The following L1TD1 variants were observed in gnomAD, a reference collection of about 807,000 sequenced individuals.
L1TD1 encodes the protein LINE1 type transposase domain containing 1.
In L1TD1, 26 loss-of-function variants were observed where a neutral mutation model predicts 25.7. That is an observed-to-expected ratio of 1.01 (90% CI 0.74 to 1.40). L1TD1 has a LOEUF of 1.40. Ranked by LOEUF, L1TD1 falls within the 40% of genes most tolerant of loss-of-function variation. The pLI is 0.00. For synonymous variants in L1TD1, 421 were observed against 335.6 expected, an observed-to-expected ratio of 1.25 and a Z score of -2.78; for missense variants, 1,130 against 975.0, an observed-to-expected ratio of 1.16 and a Z score of -2.12.
intron 1 of L1TD1, among the ~76,000 whole-genome samples, chr1:62,195,362 A>T (rs1195031191): frequency 2.0e-5 from 3 of 152,222 alleles, no homozygotes; most frequent in Admixed American, 1.3e-4. Flanking sequence ...CTCTCCTAAG[A>T]CTTATCTATC....
At chr1:62,204,074 T>A (rs1670691058) in intron 2 of L1TD1, among the ~76,000 whole-genome samples, 1 of 152,216 alleles carries the variant, frequency 6.6e-6, no homozygotes. Flanking sequence ...AGATAATAGT[T>A]GCTTCTAAAT....
chr1:62,198,845 CTT>C (rs528785206), intron 2 of L1TD1, among the ~76,000 whole-genome samples: 1 of 146,234 alleles, frequency 6.8e-6, no homozygotes, highest in Admixed American at 6.9e-5. Context: ...TCCCTAATCA[CTT>C]TTTTTTTTTT....
chr1:62,200,841 G>A (rs1670627019), intron 2 of L1TD1, among the ~76,000 whole-genome samples: 1 of 151,954 alleles, frequency 6.6e-6, no homozygotes, highest in African/African-American at 2.4e-5. Context: ...CTGGGATTGG[G>A]CCACCTTTCA....
intron 2 of L1TD1, among the ~76,000 whole-genome samples, chr1:62,197,162 G>T (rs1364013368): frequency 1.3e-5 from 2 of 151,794 alleles, no homozygotes; most frequent in Non-Finnish European, 2.9e-5. Flanking sequence ...GAGGAGGCCA[G>T]ATCACTTAAG....
At chr1:62,198,672 T>G (rs1252287536) in intron 2 of L1TD1, among the ~76,000 whole-genome samples, 1 of 152,028 alleles carries the variant, frequency 6.6e-6, no homozygotes, top group Non-Finnish European at 1.5e-5. Context: ...ATCCCTAAAA[T>G]TAAAGGAAGT....
Position 62,210,363 on chromosome 1 carries a change from A to C in L1TD1, c.1589A>C (p.His530Pro), listed in dbSNP as rs140820308. ...AAGTTGGTGAAACACCAGGTGGTGC[A>C]CAAAACCCAGGAGGAAGAGGAAACA... Reference protein sequence around the residue: ...KKKLVKHQVVHKTQEEEETAV... With the variant: ...KKKLVKHQVVPKTQEEEETAV... Residue 530 changes from histidine (H) to proline (P), a missense_variant, in exon 4 of 4, where the codon CAC becomes CCC. Coordinates refer to ENST00000498273, the MANE Select transcript of L1TD1 (RefSeq NM_019079.5). 87 of 1,613,886 alleles carry C rather than the reference A, an allele frequency of 5.4e-5. 1 individual carries two copies. Among genetic ancestry groups the C allele is most frequent in the Non-Finnish European group, 6.4e-5 (76 of 1,180,024 alleles).
intron 1 of L1TD1, among the ~76,000 whole-genome samples, chr1:62,195,160 G>A (rs1195187655): frequency 8.6e-5 from 13 of 150,758 alleles, no homozygotes; most frequent in Admixed American, 8.6e-4. Flanking sequence ...AGGGTGCCCC[G>A]GATAAGGCTG....
chr1:62,211,416 T>C lies in L1TD1; in HGVS notation c.*44T>C. On this transcript the variant is annotated 3_prime_UTR_variant, in exon 4 of 4. Coordinates refer to ENST00000498273, the MANE Select transcript of L1TD1 (RefSeq NM_019079.5). ...AACAATATGCTTTCCTCCCCCAGCA[T>C]GCATCCAAAAATCAACAAGTAAAAC... 6.6e-7 allele frequency: 1 copy of C among 1,525,148 alleles called. No individual in the cohort carries two copies. The highest frequency in any genetic ancestry group is 2.3e-5 in the East Asian group (1 of 44,214). 94.5% of individuals were successfully genotyped at this position (1,525,148 alleles called of 1,614,324 possible).
rs1169759217 is a variant in L1TD1 at position 62,205,437 on chromosome 1, A to ATTT, written c.-110-1081_-110-1080insTTT. Among the ~76,000 whole-genome samples the ATTT allele has an allele frequency of 4.7e-4, 20 of 42,430 alleles. 1 individual carries two copies. The highest frequency in any genetic ancestry group is 9.2e-4 in the African/African-American group (10 of 10,834). 27.8% of individuals were successfully genotyped at this position (42,430 alleles called of 152,430 possible). On this transcript the variant is annotated intron_variant, in intron 2 of 3. Transcript: ENST00000498273. ...TCTCTCTATATATATATATATATAT[A>ATTT]TATATATTTTTTTTTAGACAGTCTT...
At position 62,206,990 on chromosome 1, in the gene L1TD1, GA is replaced by G. The variant is rs1557444702; in HGVS notation, c.363del (p.Glu122LysfsTer5). On this transcript the variant is annotated frameshift_variant, in exon 3 of 4. Coordinates refer to ENST00000498273, the MANE Select transcript of L1TD1 (RefSeq NM_019079.5). LOFTEE classifies it high-confidence loss of function. ...ACAGGGATGGTAGGGAAAATAGAAG[GA>G]GAAAACTCTAAAATAGGTGATGATA... ...QKTGMVGKIEGENSKIGDDNE... is the reference protein window; with the variant it reads ...QKTGMVGKIEXENSKIGDDNE... The G allele has an allele frequency of 4.3e-6, 7 of 1,612,928 alleles. No individual in the cohort carries two copies. Among genetic ancestry groups the G allele is most frequent in the Non-Finnish European group, 4.2e-6 (5 of 1,179,726 alleles).
intron 2 of L1TD1, among the ~76,000 whole-genome samples, chr1:62,203,125 C>T (rs1670673919): frequency 6.6e-6 from 1 of 152,026 alleles, no homozygotes; most frequent in Admixed American, 6.6e-5. Context: ...TGCGCTTGGC[C>T]TGTTTTAAAT....
chr1:62,203,954 G>C (rs1670689414), intron 2 of L1TD1, among the ~76,000 whole-genome samples: 1 of 152,028 alleles, frequency 6.6e-6, no homozygotes, highest in Admixed American at 6.6e-5. Context: ...TCAAAGTCCT[G>C]ACCTCAGGGG....
intron 2 of L1TD1, among the ~76,000 whole-genome samples, chr1:62,202,213 T>G (rs1670651726): frequency 6.6e-6 from 1 of 151,892 alleles, no homozygotes; most frequent in Non-Finnish European, 1.5e-5. Context: ...GGCAGGAGAA[T>G]CGCTTGAACC....
At position 62,211,193 on chromosome 1, in the gene L1TD1, T is replaced by C; in HGVS notation, c.2419T>C (p.Trp807Arg). The C allele has an allele frequency of 6.4e-7, 1 of 1,552,202 alleles. No homozygotes were observed. The highest frequency in any genetic ancestry group is 1.2e-5 in the South Asian group (1 of 84,132). Residue 807 changes from tryptophan to arginine, a missense_variant, in exon 4 of 4, where the codon TGG becomes CGG. Transcript: ENST00000498273. ...SLDTLDARSK[W>R]SNVFKVLLEK... ...GGACACACTGGATGCTAGAAGTAAATGGAGCAATGTCTTCAAAGTTCTGCT... is the reference window on the plus strand; with the variant it reads ...GGACACACTGGATGCTAGAAGTAAACGGAGCAATGTCTTCAAAGTTCTGCT...
intron 2 of L1TD1, among the ~76,000 whole-genome samples, chr1:62,200,957 C>G (rs924775791): frequency 6.6e-6 from 1 of 151,522 alleles, no homozygotes; most frequent in East Asian, 1.9e-4. Context: ...GAGATGGAGT[C>G]TTGCTCGCTC....
rs1557447767 is a variant in L1TD1, at chr1:62,210,451, AAAG to A, written c.1678_1680del (p.Lys560del). On this transcript the variant is annotated inframe_deletion, in exon 4 of 4. Coordinates refer to ENST00000498273, the MANE Select transcript of L1TD1 (RefSeq NM_019079.5). ...TGACCTTATGTTTGGCCTCTCCCTC[AAAG>A]TCACTAGAGATGAGTCATGATGAGC... 1 of 1,614,188 alleles carries A rather than the reference AAAG, an allele frequency of 6.2e-7. No individual in the cohort carries two copies. Among genetic ancestry groups the A allele is most frequent in the South Asian group, 1.1e-5 (1 of 91,080 alleles).
At chr1:62,197,772 A>T (rs1670571594) in intron 2 of L1TD1, among the ~76,000 whole-genome samples, 1 of 152,002 alleles carries the variant, frequency 6.6e-6, no homozygotes, top group African/African-American at 2.4e-5. Context: ...GCTACTCGGG[A>T]GGCTGAGGCA....
chr1:62,205,389 T>TCTCTC (rs1670718755), intron 2 of L1TD1, among the ~76,000 whole-genome samples: 41 of 60,256 alleles, frequency 6.8e-4, no homozygotes, highest in East Asian at 3.6e-3. Context: ...CTCTCTCTCT[T>TCTCTC]TCTCTCTCTC....
intron 2 of L1TD1, among the ~76,000 whole-genome samples, chr1:62,201,617 G>A (rs1353303911): frequency 1.3e-5 from 2 of 151,136 alleles, no homozygotes; most frequent in East Asian, 3.9e-4. Flanking sequence ...TTAGTTGTTT[G>A]CTGTGTTTTA....
Sources: gnomAD v4.1 joint callset for allele counts (sites outside exome capture counted in the v4.1 genomes callset) on GRCh38, gnomAD v4.1.1 for gene constraint, MANE v1.5 for transcripts, NCBI Gene and HGNC (gene_info 2026-07-23, HGNC 2026-07-21) for gene names.